Variants in DNAH14 observed in about 807,000 individuals in gnomAD.
The protein encoded by DNAH14 is axonemal beta dynein heavy chain 14.
In DNAH14, 478 loss-of-function variants were observed where a neutral mutation model predicts 520.9. The observed-to-expected ratio is 0.92, with a 90% CI of 0.85 to 0.99. The LOEUF (loss-of-function observed/expected upper bound fraction) is 0.99, where lower values mean the gene tolerates loss of function less well. DNAH14 is among the 50% of genes least tolerant of loss of function. DNAH14 has a pLI of 0.00. For synonymous variants in DNAH14, 1,581 were observed against 1,757.2 expected (o/e 0.90, Z 2.51); for missense variants, 4,831 against 5,234.5 (o/e 0.92, Z 2.38).
intron 1 of DNAH14, among the ~76,000 whole-genome samples, chr1:224,950,786 T>A (rs984319623): frequency 2.0e-5 from 3 of 152,230 alleles, no homozygotes; most frequent in Admixed American, 6.5e-5. Context: ...ACTTTAGTGA[T>A]AGGTAACACT....
intron 8 of DNAH14, among the ~76,000 whole-genome samples, chr1:224,986,318 TA>T (rs59261709): frequency 0.15 from 13,086 of 87,840 alleles, 1,889 homozygotes; most frequent in African/African-American, 0.4. Flanking sequence ...AAAGGCTTAT[TA>T]AAAAAAAAAA....
In DNAH14 at chr1:225,360,681, G is replaced by A; in HGVS notation, c.11777G>A (p.Gly3926Glu). Residue 3926 changes from glycine to glutamate, a missense_variant and splice_region_variant, in exon 75 of 86, where the codon GGG (glycine) becomes GAG (glutamate). By Grantham distance (98) the Gly-to-Glu change is moderately conservative. Transcript: ENST00000682510. ...TATACCTCTCCACGTTGTTATACAG[G>A]GATCGACCTTACCAATATCCTCCTG... ...RTPLILIQTH[G>E]IDLTNILLRF... The A allele has an allele frequency of 6.4e-7, 1 of 1,551,376 alleles. No individual in the cohort carries two copies. The highest frequency in any genetic ancestry group is 1.2e-5 in the South Asian group (1 of 84,040).
chr1:225,083,175 T>G (rs2073341400), intron 20 of DNAH14, among the ~76,000 whole-genome samples: 1 of 152,166 alleles, frequency 6.6e-6, no homozygotes, highest in Non-Finnish European at 1.5e-5. Context: ...AACAACTATT[T>G]GACTTTCCAT....
At chr1:225,132,739 A>G (rs1478132327) in intron 27 of DNAH14, among the ~76,000 whole-genome samples, 1 of 152,190 alleles carries the variant, frequency 6.6e-6, no homozygotes, top group Non-Finnish European at 1.5e-5. Flanking sequence ...GTACCCAGTA[A>G]TGGGATTGCT....
chr1:225,316,508 TGC>T (rs1430665631), intron 60 of DNAH14, among the ~76,000 whole-genome samples: 1 of 152,176 alleles, frequency 6.6e-6, no homozygotes, highest in Non-Finnish European at 1.5e-5. Context: ...TCTCCTGGTC[TGC>T]GGGTTGTGAA....
In DNAH14 at chr1:224,960,320, AC is replaced by A. The variant is rs1483149553; in HGVS notation, c.367+20del. 2.0e-6 allele frequency: 3 copies of A among 1,532,634 alleles called. No individual in the cohort carries two copies. The highest frequency in any genetic ancestry group is 2.6e-6 in the Non-Finnish European group (3 of 1,142,682). The allele number at this position is 1,532,634 out of a possible 1,614,324, so 94.9% of individuals were successfully genotyped here. A position where few individuals can be genotyped will look rare whatever the true frequency, so the allele number is the denominator to read the frequency against. ...TAGAACAGGTATGTGGTATCACTGA[AC>A]CAATTGCTTAGAAATCACTATACTT... On this transcript the variant is annotated intron_variant, in intron 4 of 85. Coordinates refer to ENST00000682510, the MANE Select transcript of DNAH14 (RefSeq NM_001367479.1).
intron 38 of DNAH14, among the ~76,000 whole-genome samples, chr1:225,198,363 C>T (rs34407424): frequency 0.11 from 17,326 of 151,828 alleles, 1,179 homozygotes; most frequent in East Asian, 0.31. Context: ...GACTAAGGCA[C>T]CCACCAACAT....
intron 17 of DNAH14, among the ~76,000 whole-genome samples, chr1:225,073,692 T>A (rs1396390438): frequency 6.6e-6 from 1 of 152,012 alleles, no homozygotes; most frequent in Non-Finnish European, 1.5e-5. Flanking sequence ...TTTTTGTTTT[T>A]GTTTTTTGTT....
chr1:225,021,743 C>T (rs76243018), intron 10 of DNAH14, among the ~76,000 whole-genome samples: 8,010 of 151,952 alleles, frequency 0.053, 322 homozygotes, highest in Non-Finnish European at 0.078. Flanking sequence ...CTATTCCTGT[C>T]AAATTACCAA....
chr1:225,229,446 C>T, intron 41 of DNAH14, among the ~76,000 whole-genome samples: 1 of 152,148 alleles, frequency 6.6e-6, no homozygotes, highest in East Asian at 1.9e-4. Context: ...ATAAATCATT[C>T]TACTATAAAG....
At chr1:225,260,437 C>G (rs2092896408) in intron 46 of DNAH14, among the ~76,000 whole-genome samples, 1 of 151,858 alleles carries the variant, frequency 6.6e-6, no homozygotes, top group African/African-American at 2.4e-5. Flanking sequence ...GCAATGAACA[C>G]AGGAGTGCAG....
In DNAH14 at chr1:225,152,750, T is replaced by G; in HGVS notation, c.5063T>G (p.Val1688Gly). 2 of 1,551,396 alleles carry G rather than the reference T, an allele frequency of 1.3e-6. No homozygotes were observed. Among genetic ancestry groups the G allele is most frequent in the South Asian group, 2.4e-5 (2 of 84,012 alleles). ...AACTTAAAATCTCTGTTTCGCCCAG[T>G]GGCAATGATGGTGCCCCATTATCAA... ...PDNLKSLFRPVAMMVPHYQMI... is the reference protein window; with the variant it reads ...PDNLKSLFRPGAMMVPHYQMI... The change falls in exon 33 of 86, where the codon GTG becomes GGG. Residue 1688 changes from valine to glycine, a missense_variant. By Grantham distance (109) the Val-to-Gly change is moderately radical (BLOSUM62 -3). Transcript: ENST00000682510.
At position 225,156,154 on chromosome 1, in the gene DNAH14, C is replaced by T. The variant is rs1423336278; in HGVS notation, c.5273+2328C>T. On this transcript the variant is annotated intron_variant, in intron 34 of 85. Coordinates refer to ENST00000682510, the MANE Select transcript of DNAH14 (RefSeq NM_001367479.1). ...CCCTGGCATAGTAATTCATCCCTCC[C>T]TTTTTTTTCTACTTTCTCTTTATAA... Among the ~76,000 whole-genome samples, 6 of 151,884 alleles carry T rather than the reference C, an allele frequency of 4.0e-5. No homozygotes were observed. The South Asian group carries it at 6.2e-4, about 16-fold the overall frequency.
chr1:225,187,177 G>A (rs144569922), intron 37 of DNAH14, among the ~76,000 whole-genome samples: 45 of 151,864 alleles, frequency 3.0e-4, no homozygotes, highest in African/African-American at 1.0e-3. Context: ...ACACACATGA[G>A]ATAAACCATT....
intron 17 of DNAH14, among the ~76,000 whole-genome samples, chr1:225,066,548 C>T (rs909373069): frequency 2.0e-5 from 3 of 151,848 alleles, no homozygotes; most frequent in Admixed American, 1.3e-4. Flanking sequence ...TTATTGGTTA[C>T]ATGGATAAGT....
chr1:224,943,876 C>T (rs2125420996), intron 1 of DNAH14, among the ~76,000 whole-genome samples: 1 of 152,224 alleles, frequency 6.6e-6, no homozygotes, highest in South Asian at 2.1e-4. Flanking sequence ...GTTATAATTT[C>T]TGTTCTTTTA....
intron 27 of DNAH14, among the ~76,000 whole-genome samples, chr1:225,125,495 T>C (rs1379622995): frequency 2.0e-5 from 3 of 152,246 alleles, no homozygotes; most frequent in Non-Finnish European, 4.4e-5. Context: ...GACAGCTTCT[T>C]TCCTTAAATC....
At chr1:225,008,724 C>T (rs930413692) in intron 10 of DNAH14, among the ~76,000 whole-genome samples, 1 of 151,658 alleles carries the variant, frequency 6.6e-6, no homozygotes, top group East Asian at 1.9e-4. Flanking sequence ...CGCGCCTGGC[C>T]GTTTCCTGAC....
At position 225,204,208 on chromosome 1, in the gene DNAH14, C is replaced by T; in HGVS notation, c.5912C>T (p.Thr1971Ile). ...GTTTTCAAACTTGATTCCTCTGATACAACAGAGACTGATGATAATATTTTT... is the reference window on the plus strand; with the variant it reads ...GTTTTCAAACTTGATTCCTCTGATATAACAGAGACTGATGATAATATTTTT... The part of the protein sequence containing the change: ...SNVFKLDSSD[T>I]TETDDNIFEE... Residue 1971 changes from threonine to isoleucine, a missense_variant, in exon 39 of 86, where the codon ACA (threonine) becomes ATA (isoleucine). Physicochemically the swap from Thr to Ile is moderately conservative, Grantham distance 89 (BLOSUM62 -1). Coordinates refer to ENST00000682510, the MANE Select transcript of DNAH14 (RefSeq NM_001367479.1). 1 of 1,483,340 alleles carries T rather than the reference C, an allele frequency of 6.7e-7. No homozygotes were observed. Among genetic ancestry groups the T allele is most frequent in the Non-Finnish European group, 8.9e-7 (1 of 1,124,174 alleles). The allele number at this position is 1,483,340 out of a possible 1,614,324, so 91.9% of individuals were successfully genotyped here. A position where few individuals can be genotyped will look rare whatever the true frequency, so the allele number is the denominator to read the frequency against.
Sources: allele counts gnomAD v4.1 joint callset (sites outside exome capture counted in the v4.1 genomes callset), GRCh38; gene constraint gnomAD v4.1.1; transcripts MANE v1.5; gene names NCBI Gene and HGNC (gene_info 2026-07-23, HGNC 2026-07-21).